STARD13: variants seen among roughly 807,000 people sequenced by gnomAD.
The protein encoded by STARD13 is StAR related lipid transfer domain containing 13.
In STARD13, 62 loss-of-function variants were observed where a neutral mutation model predicts 106.4. That is an observed-to-expected ratio of 0.58 (90% CI 0.48 to 0.72). The LOEUF (loss-of-function observed/expected upper bound fraction) is 0.72. Among genes scored for constraint, STARD13 ranks in the 30% least tolerant of loss-of-function variants. The pLI is 0.00. For missense variants in STARD13, 1,387 were observed against 1,424.0 expected, an observed-to-expected ratio of 0.97 and a Z score of 0.42; for synonymous variants, 565 against 553.0, an observed-to-expected ratio of 1.02 and a Z score of -0.31.
chr13:33,239,317 T>C (rs916209327), intron 1 of STARD13, among the ~76,000 whole-genome samples: 1 of 152,220 alleles, frequency 6.6e-6, no homozygotes, highest in African/African-American at 2.4e-5. Context: ...TCTTGGCTAG[T>C]GTGACTGACA....
the STARD13 span, among the ~76,000 whole-genome samples, chr13:33,606,522 G>T: frequency 6.6e-6 from 1 of 151,704 alleles, no homozygotes; most frequent in Non-Finnish European, 1.5e-5. Flanking sequence ...AACTTCTTGG[G>T]TTGTATACTT....
At chr13:33,606,897 C>T in the STARD13 span, among the ~76,000 whole-genome samples, 3 of 152,286 alleles carry the variant, frequency 2.0e-5, no homozygotes, top group Admixed American at 6.5e-5. Context: ...TCTTTCAGAC[C>T]GCTTCTTCTG....
At chr13:33,554,034 C>G in the STARD13 span, among the ~76,000 whole-genome samples, 1 of 152,008 alleles carries the variant, frequency 6.6e-6, no homozygotes, top group Admixed American at 6.6e-5. Context: ...TGCTAAATGC[C>G]TCTCCCTTCC....
chr13:33,453,014 C>T, the STARD13 span, among the ~76,000 whole-genome samples: 5 of 152,310 alleles, frequency 3.3e-5, no homozygotes, highest in East Asian at 9.6e-4. Context: ...AGCAAGAAAT[C>T]CAAATCAAGA....
intron 1 of STARD13, among the ~76,000 whole-genome samples, chr13:33,201,173 A>G (rs896710446): frequency 4.6e-5 from 7 of 152,328 alleles, no homozygotes; most frequent in African/African-American, 1.7e-4. Flanking sequence ...CCCACTAGCA[A>G]TCCTTAGCTC....
intron 1 of STARD13, among the ~76,000 whole-genome samples, chr13:33,307,425 T>A (rs7982817): frequency 0.68 from 103,480 of 152,080 alleles, 36,326 homozygotes; most frequent in Non-Finnish European, 0.77. Context: ...TCCATCAAGG[T>A]TACAATGGAT....
the STARD13 span, among the ~76,000 whole-genome samples, chr13:33,452,705 A>G: frequency 6.6e-6 from 1 of 152,186 alleles, no homozygotes; most frequent in South Asian, 2.1e-4. Flanking sequence ...AGTAATATAG[A>G]CCTCATAAAA....
the STARD13 span, among the ~76,000 whole-genome samples, chr13:33,383,997 C>T: frequency 6.6e-6 from 1 of 152,150 alleles, no homozygotes; most frequent in Admixed American, 6.5e-5. Flanking sequence ...TTAGCCTGAC[C>T]AACCAAGACA....
At chr13:33,108,772 G>T (rs1874119325) in intron 12 of STARD13, among the ~76,000 whole-genome samples, 1 of 152,182 alleles carries the variant, frequency 6.6e-6, no homozygotes, top group Non-Finnish European at 1.5e-5. Flanking sequence ...GCTATGGCAT[G>T]GCCCCATTCC....
At chr13:33,264,313 C>G (rs572843391) in intron 1 of STARD13, among the ~76,000 whole-genome samples, 1 of 152,324 alleles carries the variant, frequency 6.6e-6, no homozygotes, top group Non-Finnish European at 1.5e-5. Flanking sequence ...TTTAATACCA[C>G]TAAGTTTGGG....
In STARD13 at chr13:33,105,413, C is replaced by G; in HGVS notation, c.*180G>C. On this transcript the variant is annotated 3_prime_UTR_variant, in exon 14 of 14. Transcript: ENST00000336934. Reference sequence around the variant, plus strand: ...AGGGATGTAGCCATCTCCAGGAAGGCTAAGAAAGTTCTTGGAAATTCTTGC... The same window carrying G: ...AGGGATGTAGCCATCTCCAGGAAGGGTAAGAAAGTTCTTGGAAATTCTTGC... 1 of 568,546 alleles carries G rather than the reference C, an allele frequency of 1.8e-6. No homozygotes were observed. The highest frequency in any genetic ancestry group is 2.8e-5 in the East Asian group (1 of 35,990). 35.2% of individuals were successfully genotyped at this position (568,546 alleles called of 1,614,324 possible).
intron 1 of STARD13, among the ~76,000 whole-genome samples, chr13:33,173,760 T>C (rs1196286189): frequency 6.6e-6 from 1 of 152,210 alleles, no homozygotes; most frequent in Admixed American, 6.5e-5. Flanking sequence ...ACACCCACTT[T>C]ATCTATCCAT....
intron 1 of STARD13, among the ~76,000 whole-genome samples, chr13:33,307,651 T>G (rs1892962080): frequency 6.6e-6 from 1 of 152,008 alleles, no homozygotes; most frequent in Admixed American, 6.6e-5. Flanking sequence ...CACCGGGGCC[T>G]GTCAGGGAGT....
rs1875670099 is a variant in STARD13, at chr13:33,118,114, C to T, written c.2232G>A (p.Glu744=). 2 of 1,614,158 alleles carry T rather than the reference C, an allele frequency of 1.2e-6. No individual in the cohort carries two copies. Among genetic ancestry groups the T allele is most frequent in the African/African-American group, 1.3e-5 (1 of 75,028 alleles). ...MVKQFFRDLP[E]PLFTNKLSET... ...CACTGAGCTTGTTGGTGAAAAGAGG[C>T]TCAGGGAGGTCCCGGAAGAACTGTT... Residue 744 remains glutamate, a synonymous_variant, in exon 8 of 14, where the codon GAG becomes GAA. Coordinates refer to ENST00000336934, the MANE Select transcript of STARD13 (RefSeq NM_178006.4).
chr13:33,462,269 C>T, the STARD13 span, among the ~76,000 whole-genome samples: 1 of 152,116 alleles, frequency 6.6e-6, no homozygotes, highest in Non-Finnish European at 1.5e-5. Context: ...TTGTTCATCC[C>T]GACCAAAAAC....
chr13:33,205,995 G>T (rs1199596209), intron 1 of STARD13: 1 of 985,242 alleles, frequency 1.0e-6, no homozygotes, highest in Admixed American at 6.2e-5. Flanking sequence ...GTGCTTGGCT[G>T]TTGTCTGTGA....
At chr13:33,177,268 G>T (rs974782596) in intron 1 of STARD13, among the ~76,000 whole-genome samples, 11 of 152,154 alleles carry the variant, frequency 7.2e-5, no homozygotes, top group Admixed American at 7.2e-4. Flanking sequence ...GATAAAAGTG[G>T]CTTAAAATTC....
chr13:33,506,843 G>A, the STARD13 span, among the ~76,000 whole-genome samples: 1 of 152,266 alleles, frequency 6.6e-6, no homozygotes, highest in African/African-American at 2.4e-5. Context: ...AGGGATTGGT[G>A]GCTCTCACCT....
At chr13:33,242,425 G>C (rs1355494171) in intron 1 of STARD13, among the ~76,000 whole-genome samples, 1 of 152,170 alleles carries the variant, frequency 6.6e-6, no homozygotes, top group Non-Finnish European at 1.5e-5. Context: ...TTCTGCCTTG[G>C]GATGCTGTTA....
Sources: gnomAD v4.1 joint callset for allele counts (sites outside exome capture counted in the v4.1 genomes callset) on GRCh38, gnomAD v4.1.1 for gene constraint, MANE v1.5 for transcripts, NCBI Gene and HGNC (gene_info 2026-07-23, HGNC 2026-07-21) for gene names.